DOT1L: variants seen among roughly 807,000 people sequenced by gnomAD.
DOT1L encodes histone-lysine N-methyltransferase, H3 lysine-79 specific.
DOT1L carries 33 observed loss-of-function variants against 153.3 expected under a neutral mutation model. The observed-to-expected ratio is 0.22, with a 90% CI of 0.16 to 0.29. The LOEUF (loss-of-function observed/expected upper bound fraction) is 0.29. Ranked by LOEUF, DOT1L falls within the 10% of genes least tolerant of loss-of-function variation. DOT1L has a pLI of 1.00. For synonymous variants in DOT1L, 1,135 were observed against 965.1 expected (o/e 1.18, Z -3.26); for missense variants, 1,847 against 2,119.9 (o/e 0.87, Z 2.53).
rs1400409155 is a variant in DOT1L at position 2,226,278 on chromosome 19, C to T, written c.3757C>T (p.Leu1253=). 1 of 1,596,994 alleles carries T rather than the reference C, an allele frequency of 6.3e-7. No individual in the cohort carries two copies. Among genetic ancestry groups the T allele is most frequent in the Non-Finnish European group, 8.5e-7 (1 of 1,171,296 alleles). ...CTTCTCGCCCATCTCCGACATCGGC[C>T]TGGCCAAGTCGGCGGACAGCCCGCT... ...STFSPISDIG[L]AKSADSPLQA... The change falls in exon 27 of 28, where the codon CTG becomes TTG. Residue 1253 remains leucine, a synonymous_variant. Coordinates refer to ENST00000398665, the MANE Select transcript of DOT1L (RefSeq NM_032482.3).
intron 1 of DOT1L, among the ~76,000 whole-genome samples, chr19:2,166,734 T>A (rs1435049812): frequency 6.6e-6 from 1 of 152,240 alleles, no homozygotes; most frequent in African/African-American, 2.4e-5. Flanking sequence ...TATATCTTCC[T>A]CTTTCAGTTC....
chr19:2,226,112 C>T (rs769502148), intron 26 of DOT1L, 71 bp from the exon 27 acceptor site: 5 of 1,453,020 alleles, frequency 3.4e-6, no homozygotes, highest in African/African-American at 1.4e-5. Flanking sequence ...GTGGCAGCAG[C>T]CCCGGTTAGC....
At chr19:2,198,494 G>C (rs1002228298) in intron 7 of DOT1L, among the ~76,000 whole-genome samples, 3 of 152,246 alleles carry the variant, frequency 2.0e-5, no homozygotes, top group Non-Finnish European at 2.9e-5. Context: ...CCGGGCCCGG[G>C]GGGGTGTCCC....
chr19:2,229,387 AGAG>A, intron 27 of DOT1L: 2 of 985,448 alleles, frequency 2.0e-6, no homozygotes, highest in Non-Finnish European at 2.4e-6. Flanking sequence ...CCGGGCAAGG[AGAG>A]GAGGACTGGG....
At chr19:2,192,478 G>T (rs1298221412) in intron 5 of DOT1L, among the ~76,000 whole-genome samples, 1 of 152,038 alleles carries the variant, frequency 6.6e-6, no homozygotes, top group Non-Finnish European at 1.5e-5. Context: ...TTCGAGACCA[G>T]CCTGGCCAAC....
In DOT1L at chr19:2,217,188, G is replaced by A. The variant is rs1398098397; in HGVS notation, c.2544+98G>A. On this transcript the variant is annotated intron_variant, in intron 21 of 27. Transcript: ENST00000398665. The surrounding 1 kb of genome is among the most constrained non-coding windows in gnomAD (Gnocchi z 7.3). Reference sequence around the variant, plus strand: ...GAGGGCTTGTCCTAGTTGACCTTGGGGCACGGTGAGGTACTGGGGCTGACC... The same window carrying A: ...GAGGGCTTGTCCTAGTTGACCTTGGAGCACGGTGAGGTACTGGGGCTGACC... 9.8e-6 allele frequency: 14 copies of A among 1,432,498 alleles called. No homozygotes were observed. The highest frequency in any genetic ancestry group is 1.2e-5 in the Non-Finnish European group (13 of 1,090,044). 88.7% of individuals were successfully genotyped at this position (1,432,498 alleles called of 1,614,324 possible).
intron 1 of DOT1L, among the ~76,000 whole-genome samples, chr19:2,177,130 A>G (rs2021982677): frequency 6.6e-6 from 1 of 152,084 alleles, no homozygotes; most frequent in South Asian, 2.1e-4. Context: ...CTCCCCCGTG[A>G]GGGGGAGCTC....
intron 7 of DOT1L, 82 bp downstream of exon 7, chr19:2,194,659 C>CAATGTTGGCACATG: frequency 2.9e-6 from 4 of 1,389,148 alleles, no homozygotes; most frequent in Non-Finnish European, 3.9e-6. Context: ...CCTTTCTTGC[C>CAATGTTGGCACATG]GATGTTGGCA....
chr19:2,226,259 G>T lies in DOT1L; in HGVS notation c.3738G>T (p.Ser1246=). 9 of 1,582,204 alleles carry T rather than the reference G, an allele frequency of 5.7e-6. No homozygotes were observed. Among genetic ancestry groups the T allele is most frequent in the Non-Finnish European group, 6.9e-6 (8 of 1,162,952 alleles). Residue 1246 remains serine (S), a synonymous_variant, in exon 27 of 28, where the codon TCG becomes TCT. Coordinates refer to ENST00000398665, the MANE Select transcript of DOT1L (RefSeq NM_032482.3). ...GCAGCAAGTGGAAGTCCACCTTCTC[G>T]CCCATCTCCGACATCGGCCTGGCCA... is the stretch of plus-strand genomic sequence containing the variant. ...VNSSKWKSTF[S]PISDIGLAKS... is the part of the protein sequence containing the mutation.
In DOT1L at chr19:2,193,739, C is replaced by T; in HGVS notation, c.544C>T (p.His182Tyr). ...QVAAATNCKH[H>Y]YGVEKADIPA... is the part of the protein sequence containing the mutation. ...TGCTGCTGCCACCAACTGCAAACATCACTATGGCGTCGAGAAAGCAGACAT... is the reference window on the plus strand; with the variant it reads ...TGCTGCTGCCACCAACTGCAAACATTACTATGGCGTCGAGAAAGCAGACAT... Residue 182 changes from histidine (H) to tyrosine (Y), a missense_variant, in exon 6 of 28, where the codon CAC becomes TAC. Transcript: ENST00000398665. The surrounding 1 kb of genome is among the most constrained non-coding windows in gnomAD (Gnocchi z 5.9). 1 of 1,614,164 alleles carries T rather than the reference C, an allele frequency of 6.2e-7. No homozygotes were observed. The highest frequency in any genetic ancestry group is 8.5e-7 in the Non-Finnish European group (1 of 1,180,010).
chr19:2,214,031 C>T (rs751528443), intron 18 of DOT1L, 45 bp downstream of exon 18: 17 of 1,589,364 alleles, frequency 1.1e-5, no homozygotes, highest in East Asian at 2.3e-5. Flanking sequence ...CCAGAGGGGC[C>T]CTGCCTGGGC....
rs1343543105 is a variant in DOT1L, at chr19:2,216,489, T to C, written c.2132T>C (p.Leu711Pro). The C allele has an allele frequency of 1.2e-6, 2 of 1,612,588 alleles. No individual in the cohort carries two copies. Among genetic ancestry groups the C allele is most frequent in the East Asian group, 2.2e-5 (1 of 44,880 alleles). ...CACTTGAGCAGCATGAGCCCGGAGC[T>C]CTCCATGAACGGCCAGGCTGCTGGC... ...LPHLSSMSPE[L>P]SMNGQAAGYE... Residue 711 changes from leucine to proline, a missense_variant, in exon 20 of 28, where the codon CTC becomes CCC. This residue lies in a region of DOT1L where 281 missense variants were observed against 263.6 expected (regional missense o/e 1.07). Coordinates refer to ENST00000398665, the MANE Select transcript of DOT1L (RefSeq NM_032482.3).
chr19:2,167,782 C>T (rs909486180), intron 1 of DOT1L, among the ~76,000 whole-genome samples: 8 of 147,210 alleles, frequency 5.4e-5, no homozygotes, highest in Admixed American at 4.8e-4. Context: ...ATCGCCCAGG[C>T]TGGAGTGCAG....
intron 12 of DOT1L, among the ~76,000 whole-genome samples, 199 bp from the exon 13 acceptor site, chr19:2,210,201 G>A (rs2023657695): frequency 6.6e-6 from 1 of 152,262 alleles, no homozygotes; most frequent in South Asian, 2.1e-4. Context: ...GTGCCCACGG[G>A]TCACGTCCTG....
At chr19:2,169,219 C>T (rs2020038149) in intron 1 of DOT1L, among the ~76,000 whole-genome samples, 1 of 152,130 alleles carries the variant, frequency 6.6e-6, no homozygotes, top group African/African-American at 2.4e-5. Flanking sequence ...GCTGTCCCCA[C>T]CGTGACTCAG....
In DOT1L at chr19:2,207,499, C is replaced by T; in HGVS notation, c.857-75C>T. 1 of 1,295,112 alleles carries T rather than the reference C, an allele frequency of 7.7e-7. No homozygotes were observed. Among genetic ancestry groups the T allele is most frequent in the Non-Finnish European group, 1.1e-6 (1 of 927,030 alleles). The allele number at this position is 1,295,112 out of a possible 1,614,324, so 80.2% of individuals were successfully genotyped here. A position where few individuals can be genotyped will look rare whatever the true frequency, so the allele number is the denominator to read the frequency against. The stretch of plus-strand genomic sequence containing the variant: ...GCTCAGGCTTCTGTCCCCACGCCTG[C>T]CCTGGGGTGGGTGAGGTCTGCATGG... On this transcript the variant is annotated intron_variant, in intron 10 of 27. Coordinates refer to ENST00000398665, the MANE Select transcript of DOT1L (RefSeq NM_032482.3). This position sits in a 1 kb window ranked among gnomAD's most constrained non-coding sequence, Gnocchi z 4.5.
At chr19:2,214,426 G>T (rs1187307952) in intron 18 of DOT1L, 45 bp from the exon 19 acceptor site, 1 of 1,601,772 alleles carries the variant, frequency 6.2e-7, no homozygotes, top group African/African-American at 1.3e-5. Flanking sequence ...GGTGTGCTGG[G>T]CAGGCAGCCA....
intron 1 of DOT1L, among the ~76,000 whole-genome samples, chr19:2,173,334 C>T (rs981324445): frequency 7.2e-5 from 11 of 152,142 alleles, no homozygotes; most frequent in Admixed American, 4.6e-4. Context: ...CTGGTCAGCG[C>T]GTCCAGCCTC....
rs188082149 is a variant in DOT1L at position 2,231,014 on chromosome 19, C to G, written c.*1222C>G. 1 of 238,892 alleles carries G rather than the reference C, an allele frequency of 4.2e-6. No homozygotes were observed. Among genetic ancestry groups the G allele is most frequent in the Non-Finnish European group, 8.2e-6 (1 of 122,288 alleles). The allele number at this position is 238,892 out of a possible 1,614,324, so 14.8% of individuals were successfully genotyped here. On this transcript the variant is annotated 3_prime_UTR_variant, in exon 28 of 28. Coordinates refer to ENST00000398665, the MANE Select transcript of DOT1L (RefSeq NM_032482.3). ...AGGCCCCAGGGTGACGTCGGCCCCC[C>G]ACTCTGCAGCCTTGGCGGGTGCCTG...
Sources: gnomAD v4.1 joint callset for allele counts (sites outside exome capture counted in the v4.1 genomes callset) on GRCh38, gnomAD v4.1.1 for gene constraint, gnomAD v4.1.1 regional missense constraint, Gnocchi (gnomAD v3.1) non-coding constraint, MANE v1.5 for transcripts, NCBI Gene and HGNC (gene_info 2026-07-23, HGNC 2026-07-21) for gene names.